DIAPH2: variants seen among roughly 807,000 people sequenced by gnomAD.
The protein encoded by DIAPH2 is protein diaphanous homolog 2.
DIAPH2 carries 35 observed loss-of-function variants against 92.7 expected under a neutral mutation model. That is an observed-to-expected ratio of 0.38 (90% CI 0.29 to 0.50). The LOEUF (loss-of-function observed/expected upper bound fraction) is 0.50. Ranked by LOEUF, DIAPH2 falls within the 20% of genes least tolerant of loss-of-function variation. The pLI is 0.94. For synonymous variants in DIAPH2, 301 were observed against 280.4 expected (o/e 1.07, Z -0.73); for missense variants, 701 against 819.5 (o/e 0.86, Z 1.77).
At chrX:97,489,386 T>A (rs1347558375) in intron 26 of DIAPH2, among the ~76,000 whole-genome samples, 1 of 111,467 alleles carries the variant, frequency 9.0e-6, no homozygotes, top group Non-Finnish European at 1.9e-5. Context: ...CAGAGATAGT[T>A]TTACTTCTTT....
At position 97,514,023 on chromosome X, in the gene DIAPH2, G is replaced by A. The variant is rs1184112773; in HGVS notation, c.3241+84278G>A. 2.4e-4 allele frequency among the ~76,000 whole-genome samples: 26 copies of A among 106,710 alleles called. 1 individual carries two copies. The highest frequency in any genetic ancestry group is 4.0e-4 in the South Asian group (1 of 2,486). The allele number at this position is 106,710 out of a possible 115,157, so 92.7% of individuals were successfully genotyped here. ...TCTTCTCTAGGAGAATCTTTGTGGC[G>A]TTCTCTGTATTTCCTGAATCTGAAC... On this transcript the variant is annotated intron_variant, in intron 26 of 26. Coordinates refer to ENST00000324765, the MANE Select transcript of DIAPH2 (RefSeq NM_006729.5).
intron 23 of DIAPH2, among the ~76,000 whole-genome samples, chrX:97,281,738 C>A (rs1166471629): frequency 9.7e-6 from 1 of 103,400 alleles, no homozygotes; most frequent in African/African-American, 3.6e-5. Flanking sequence ...AGTGAGACTC[C>A]GTCTCAAAAA....
intron 25 of DIAPH2, among the ~76,000 whole-genome samples, chrX:97,408,556 A>T (rs922687714): frequency 9.0e-6 from 1 of 111,552 alleles, no homozygotes; most frequent in Non-Finnish European, 1.9e-5. Flanking sequence ...AATTTTAATT[A>T]TTAGAACAGA....
chrX:97,364,128 C>T (rs1170934354), intron 24 of DIAPH2, among the ~76,000 whole-genome samples: 2 of 112,041 alleles, frequency 1.8e-5, no homozygotes, highest in African/African-American at 6.5e-5. Flanking sequence ...GACAGCCTTT[C>T]TTGTACCTCT....
At chrX:96,925,608 T>C (rs2065575361) in intron 9 of DIAPH2, among the ~76,000 whole-genome samples, 1 of 111,734 alleles carries the variant, frequency 8.9e-6, no homozygotes, top group African/African-American at 3.3e-5. Context: ...CTTTCTGAAA[T>C]GCTTTTCTCA....
At chrX:97,124,755 A>ACAG (rs1404291250) in intron 21 of DIAPH2, among the ~76,000 whole-genome samples, 21 of 111,545 alleles carry the variant, frequency 1.9e-4, no homozygotes, top group African/African-American at 6.8e-4. Context: ...ATTTTAACTT[A>ACAG]TATGTTACAG....
At chrX:97,293,138 A>C (rs2068608598) in intron 23 of DIAPH2, among the ~76,000 whole-genome samples, 1 of 110,669 alleles carries the variant, frequency 9.0e-6, no homozygotes, top group Non-Finnish European at 1.9e-5. Context: ...ATGTCACTAT[A>C]AATTCTAGTA....
chrX:97,368,760 A>G (rs942408489), intron 24 of DIAPH2, among the ~76,000 whole-genome samples: 1 of 111,364 alleles, frequency 9.0e-6, no homozygotes, highest in African/African-American at 3.3e-5. Context: ...TAAATTAATC[A>G]GCATTGTCTT....
intron 22 of DIAPH2, among the ~76,000 whole-genome samples, chrX:97,209,911 C>A (rs1466459042): frequency 6.3e-5 from 7 of 110,586 alleles, no homozygotes; most frequent in African/African-American, 2.3e-4. Context: ...GTATATTAAT[C>A]TGAATGATGA....
At chrX:96,899,870 T>G (rs1228352863) in intron 5 of DIAPH2, among the ~76,000 whole-genome samples, 3 of 111,245 alleles carry the variant, frequency 2.7e-5, no homozygotes, top group Non-Finnish European at 5.7e-5. Flanking sequence ...GGGTTTGTCA[T>G]AGATAGCTCT....
At chrX:97,533,731 A>C (rs764087466) in intron 26 of DIAPH2, among the ~76,000 whole-genome samples, 8 of 111,636 alleles carry the variant, frequency 7.2e-5, no homozygotes, top group Non-Finnish European at 9.4e-5. Flanking sequence ...ATTGCTCTAC[A>C]TCAAACTCCC....
intron 26 of DIAPH2, among the ~76,000 whole-genome samples, chrX:97,551,689 T>A (rs779564317): frequency 9.0e-6 from 1 of 111,549 alleles, no homozygotes; most frequent in African/African-American, 3.3e-5. Flanking sequence ...TTATAATTGG[T>A]TGTTTTCTCC....
chrX:96,861,268 C>G (rs2065070811), intron 4 of DIAPH2, among the ~76,000 whole-genome samples: 1 of 111,353 alleles, frequency 9.0e-6, no homozygotes, highest in South Asian at 3.8e-4. Context: ...GGAAACAGAT[C>G]TTAATGCTAA....
At chrX:97,291,720 T>C (rs2068592369) in intron 23 of DIAPH2, among the ~76,000 whole-genome samples, 1 of 110,411 alleles carries the variant, frequency 9.1e-6, no homozygotes, top group South Asian at 3.9e-4. Flanking sequence ...TGTATTTTAG[T>C]AGAGATGGGG....
At chrX:97,165,688 A>G (rs2067407361) in intron 22 of DIAPH2, among the ~76,000 whole-genome samples, 2 of 105,444 alleles carry the variant, frequency 1.9e-5, no homozygotes, top group South Asian at 8.7e-4. Context: ...TTGTTAGTAG[A>G]GACGCATTTT....
intron 23 of DIAPH2, among the ~76,000 whole-genome samples, chrX:97,307,310 G>T (rs1231046599): frequency 8.9e-5 from 10 of 111,926 alleles, no homozygotes; most frequent in Non-Finnish European, 1.7e-4. Context: ...TGCCTTTCAG[G>T]TTTAATCCTT....
chrX:97,350,620 A>T lies in DIAPH2; in HGVS notation c.3009+2340A>T, dbSNP rs188467999. ...ACGAGACCTGATTTTGTATCCTGGT[A>T]CTGCCACTAAAAAGCTGTGTGACTT... On this transcript the variant is annotated intron_variant, in intron 24 of 26. Coordinates refer to ENST00000324765, the MANE Select transcript of DIAPH2 (RefSeq NM_006729.5). Among the ~76,000 whole-genome samples the T allele has an allele frequency of 2.3e-3, 258 of 112,250 alleles. 1 individual carries two copies. The highest frequency in any genetic ancestry group is 8.0e-3 in the African/African-American group (248 of 30,964).
intron 25 of DIAPH2, among the ~76,000 whole-genome samples, chrX:97,413,308 A>T (rs1413416025): frequency 9.0e-6 from 1 of 111,595 alleles, no homozygotes; most frequent in African/African-American, 3.3e-5. Flanking sequence ...CAAAAACCAC[A>T]TGATTATCTC....
At chrX:96,849,122 A>T (rs2064991295) in intron 4 of DIAPH2, among the ~76,000 whole-genome samples, 1 of 111,232 alleles carries the variant, frequency 9.0e-6, no homozygotes, top group South Asian at 3.8e-4. Context: ...TTATTTTTTT[A>T]TATAGCTTTG....
Sources: gnomAD v4.1 joint callset for allele counts (sites outside exome capture counted in the v4.1 genomes callset) on GRCh38, gnomAD v4.1.1 for gene constraint, MANE v1.5 for transcripts, NCBI Gene and HGNC (gene_info 2026-07-23, HGNC 2026-07-21) for gene names.